Variants in COL25A1 observed in about 807,000 individuals in gnomAD.
COL25A1 encodes collagen type XXV alpha 1 chain.
In COL25A1, 103 loss-of-function variants were observed where a neutral mutation model predicts 128.4. The observed-to-expected ratio is 0.80, with a 90% CI of 0.68 to 0.94. The LOEUF (loss-of-function observed/expected upper bound fraction) is 0.94, where lower values mean the gene tolerates loss of function less well. Among genes scored for constraint, COL25A1 ranks in the 40% least tolerant of loss-of-function variants. The probability of loss-of-function intolerance (pLI) is 0.00; values close to 1 mark genes in which losing one functional copy is unlikely to be tolerated. For synonymous variants in COL25A1, 279 were observed against 277.2 expected (o/e 1.01, Z -0.06); for missense variants, 745 against 840.0 (o/e 0.89, Z 1.40).
intron 3 of COL25A1, among the ~76,000 whole-genome samples, chr4:109,266,358 G>A (rs962533245): frequency 6.6e-6 from 1 of 152,166 alleles, no homozygotes; most frequent in Admixed American, 6.6e-5. Context: ...CTCTGGAAAC[G>A]ATGAGGTGAA....
At chr4:109,268,961 T>A (rs1202967791) in intron 3 of COL25A1, among the ~76,000 whole-genome samples, 1 of 152,042 alleles carries the variant, frequency 6.6e-6, no homozygotes, top group Non-Finnish European at 1.5e-5. Context: ...CTTTAAGTTT[T>A]AGGGTACATG....
chr4:108,905,807 G>A (rs1355838887), intron 13 of COL25A1, among the ~76,000 whole-genome samples: 6 of 147,846 alleles, frequency 4.1e-5, no homozygotes, highest in African/African-American at 1.5e-4. Context: ...TGCATATGCA[G>A]TTAAAATGCA....
At chr4:109,065,561 T>C (rs1443128513) in intron 3 of COL25A1, among the ~76,000 whole-genome samples, 3 of 151,526 alleles carry the variant, frequency 2.0e-5, no homozygotes, top group South Asian at 4.2e-4. Flanking sequence ...TGTGTGTGTG[T>C]GTGTGTGTGT....
intron 15 of COL25A1, among the ~76,000 whole-genome samples, 177 bp downstream of exon 15, chr4:108,898,977 C>CTATATCTATATATCTATATATCTA (rs200934434): frequency 9.2e-6 from 1 of 109,200 alleles, no homozygotes; most frequent in African/African-American, 3.0e-5. Flanking sequence ...GGAGTCATAT[C>CTATATCTATATATCTATATATCTA]TATATCTATA....
At chr4:109,189,939 C>T (rs1775456518) in intron 3 of COL25A1, among the ~76,000 whole-genome samples, 1 of 151,998 alleles carries the variant, frequency 6.6e-6, no homozygotes, top group Non-Finnish European at 1.5e-5. Flanking sequence ...CCTTTCCTTT[C>T]ATTTGTGGTA....
intron 8 of COL25A1, among the ~76,000 whole-genome samples, chr4:108,966,469 A>G (rs748477597): frequency 6.6e-6 from 1 of 152,180 alleles, no homozygotes; most frequent in East Asian, 1.9e-4. Flanking sequence ...GAGTCCCAAC[A>G]CTGTCTTTTG....
chr4:108,997,955 G>T (rs145616555), intron 6 of COL25A1, among the ~76,000 whole-genome samples: 399 of 152,202 alleles, frequency 2.6e-3, no homozygotes, highest in African/African-American at 9.2e-3. Flanking sequence ...CAATAAACTA[G>T]GTATTAATGG....
intron 13 of COL25A1, among the ~76,000 whole-genome samples, chr4:108,913,140 C>CA (rs910693954): frequency 2.0e-5 from 3 of 148,964 alleles, no homozygotes; most frequent in East Asian, 2.0e-4. Flanking sequence ...CTTGCATAGA[C>CA]AAAAAAAATT....
chr4:109,231,444 C>T (rs1224121060), intron 3 of COL25A1, among the ~76,000 whole-genome samples: 1 of 152,166 alleles, frequency 6.6e-6, no homozygotes. Context: ...TAATCTCAAG[C>T]TGCAGCACAT....
At chr4:109,259,926 T>C (rs1261384535) in intron 3 of COL25A1, among the ~76,000 whole-genome samples, 1 of 152,192 alleles carries the variant, frequency 6.6e-6, no homozygotes, top group Non-Finnish European at 1.5e-5. Flanking sequence ...ATCCATGCAT[T>C]GCATGCTTTG....
chr4:109,184,846 T>G (rs998516779), intron 3 of COL25A1, among the ~76,000 whole-genome samples: 1 of 152,146 alleles, frequency 6.6e-6, no homozygotes, highest in Non-Finnish European at 1.5e-5. Context: ...ACTCACCACC[T>G]TGTGAGGAAA....
At chr4:108,873,580 C>T (rs13132053) in intron 19 of COL25A1, among the ~76,000 whole-genome samples, 4 of 149,176 alleles carry the variant, frequency 2.7e-5, no homozygotes, top group South Asian at 2.1e-4. Flanking sequence ...GCAGCAGTAG[C>T]AGTAGTAGTA....
chr4:109,143,229 G>C (rs1423720652), intron 3 of COL25A1, among the ~76,000 whole-genome samples: 1 of 152,168 alleles, frequency 6.6e-6, no homozygotes, highest in East Asian at 1.9e-4. Context: ...GTTGAATATT[G>C]GCCTCCACTC....
At chr4:109,070,628 C>T (rs1413001856) in intron 3 of COL25A1, among the ~76,000 whole-genome samples, 1 of 151,742 alleles carries the variant, frequency 6.6e-6, no homozygotes, top group African/African-American at 2.4e-5. Context: ...TGTTGGTGTG[C>T]TGCACCCATT....
intron 31 of COL25A1, 85 bp downstream of exon 31, chr4:108,841,608 TAA>T: frequency 9.3e-7 from 1 of 1,080,972 alleles, no homozygotes; most frequent in Non-Finnish European, 1.4e-6. Flanking sequence ...GACAAATAAA[TAA>T]GATAGGACAG....
chr4:108,940,589 G>T lies in COL25A1; in HGVS notation c.622C>A (p.Pro208Thr). 6.2e-7 allele frequency: 1 copy of T among 1,612,636 alleles called. No homozygotes were observed. The highest frequency in any genetic ancestry group is 8.5e-7 in the Non-Finnish European group (1 of 1,179,226). Residue 208 changes from proline to threonine, a missense_variant, in exon 10 of 38, where the codon CCA (proline) becomes ACA (threonine). Around this residue, in one of 3 missense-constraint regions of COL25A1, gnomAD observed 319 missense variants for 324.9 expected, o/e 0.98. Transcript: ENST00000399132. ...GPPGPPGPRG[P>T]PGDTGKDGPR... is the part of the protein sequence containing the mutation. ...CCATCTTTCCCTGTGTCCCCAGGTG[G>T]CCCTCTTGGGCCTGGAGGGCCAGGG...
chr4:109,024,089 T>C (rs1288736729), intron 5 of COL25A1, among the ~76,000 whole-genome samples: 1 of 152,232 alleles, frequency 6.6e-6, no homozygotes, highest in Admixed American at 6.5e-5. Context: ...TAGCCAATAC[T>C]TTATTATAAA....
chr4:108,985,982 A>AT (rs902216371), intron 6 of COL25A1, among the ~76,000 whole-genome samples: 4 of 152,044 alleles, frequency 2.6e-5, no homozygotes, highest in African/African-American at 7.2e-5. Flanking sequence ...TATTTTTCCT[A>AT]TTTTTGTTAA....
At position 109,093,817 on chromosome 4, in the gene COL25A1, T is replaced by G. The variant is rs556989354; in HGVS notation, c.368-43638A>C. Among the ~76,000 whole-genome samples the G allele has an allele frequency of 1.9e-4, 29 of 152,346 alleles. No homozygotes were observed. In the South Asian group the frequency reaches 5.8e-3, roughly 30 times the overall value. ...TTTTACACTAATTCTTAATGCAATT[T>G]GGATGACAACATTTTGTTACCTTCA... On this transcript the variant is annotated intron_variant, in intron 3 of 37. Coordinates refer to ENST00000399132, the MANE Select transcript of COL25A1 (RefSeq NM_198721.4).
Sources: allele counts gnomAD v4.1 joint callset (sites outside exome capture counted in the v4.1 genomes callset), GRCh38; gene constraint gnomAD v4.1.1; regional missense constraint gnomAD v4.1.1; transcripts MANE v1.5; gene names NCBI Gene and HGNC (gene_info 2026-07-23, HGNC 2026-07-21).